Variants in EPHB2 observed in about 807,000 individuals in gnomAD.
EPHB2 encodes ephrin type-B receptor 2.
In EPHB2, 18 loss-of-function variants were observed where a neutral mutation model predicts 96.4. The ratio of observed to expected loss-of-function variants is 0.19; its 90% CI spans 0.13 to 0.28. The LOEUF (loss-of-function observed/expected upper bound fraction) is 0.28, where lower values mean the gene tolerates loss of function less well. Ranked by LOEUF, EPHB2 falls within the 10% of genes least tolerant of loss-of-function variation. EPHB2 has a pLI of 1.00. For missense variants in EPHB2, 989 were observed against 1,355.4 expected, an observed-to-expected ratio of 0.73 and a Z score of 4.25; for synonymous variants, 506 against 534.1, an observed-to-expected ratio of 0.95 and a Z score of 0.72.
At chr1:22,766,811 TCTGA>T (rs1473467662) in intron 1 of EPHB2, among the ~76,000 whole-genome samples, 2 of 152,208 alleles carry the variant, frequency 1.3e-5, no homozygotes, top group Non-Finnish European at 2.9e-5. Context: ...CATCAGTAGG[TCTGA>T]CTGGGCTGCC....
At chr1:22,905,336 G>A (rs552418600) in intron 9 of EPHB2, among the ~76,000 whole-genome samples, 49 of 152,286 alleles carry the variant, frequency 3.2e-4, no homozygotes, top group African/African-American at 1.2e-3. Flanking sequence ...TCCAGAAGGG[G>A]TTAAGACTTG....
intron 3 of EPHB2, among the ~76,000 whole-genome samples, chr1:22,854,689 C>G (rs79621237): frequency 1.2e-3 from 184 of 152,290 alleles, no homozygotes; most frequent in African/African-American, 3.9e-3. Context: ...ACCAGGGAGG[C>G]TCCTGGCCCA....
At chr1:22,893,496 C>G (rs1570448251) in intron 7 of EPHB2, among the ~76,000 whole-genome samples, 1 of 152,216 alleles carries the variant, frequency 6.6e-6, no homozygotes, top group Non-Finnish European at 1.5e-5. Context: ...ACTGTCTGCT[C>G]CAGGCAAGGG....
In EPHB2 at chr1:22,915,958, A is replaced by G. The variant is rs551904710; in HGVS notation, c.*2388A>G. The G allele has an allele frequency of 4.6e-5, 7 of 152,512 alleles. No homozygotes were observed. The highest frequency in any genetic ancestry group is 1.7e-4 in the African/African-American group (7 of 41,580). 9.4% of individuals were successfully genotyped at this position (152,512 alleles called of 1,614,324 possible). On this transcript the variant is annotated 3_prime_UTR_variant, in exon 16 of 16. Coordinates refer to ENST00000374630, the MANE Select transcript of EPHB2 (RefSeq NM_017449.5). The stretch of plus-strand genomic sequence containing the variant: ...GTGAACATCCAGCACAGCACAGCCC[A>G]TCGTCTGTCACTCACCTGTTCCGGG...
In EPHB2 at chr1:22,907,955, A is replaced by G. The variant is rs748623989; in HGVS notation, c.2139A>G (p.Gln713=). The G allele has an allele frequency of 2.5e-6, 4 of 1,614,102 alleles. No homozygotes were observed. The African/African-American group carries it at 5.3e-5, about 22-fold the overall frequency. The part of the protein sequence containing the change: ...ENGSLDSFLR[Q]NDGQFTVIQL... ...TGTTTTCCCCACTTCTCCCAAAGCA[A>G]AACGATGGGCAGTTCACAGTCATCC... Residue 713 remains glutamine, a splice_region_variant and synonymous_variant, in exon 12 of 16, where the codon CAA becomes CAG. Transcript: ENST00000374630.
intron 6 of EPHB2, among the ~76,000 whole-genome samples, chr1:22,891,560 G>T (rs1236238500): frequency 6.6e-6 from 1 of 152,202 alleles, no homozygotes; most frequent in Non-Finnish European, 1.5e-5. Flanking sequence ...CCGGGCGGCT[G>T]ACAGATGCCT....
chr1:22,893,506 G>A (rs1557740363), intron 7 of EPHB2, among the ~76,000 whole-genome samples: 1 of 152,198 alleles, frequency 6.6e-6, no homozygotes, highest in Non-Finnish European at 1.5e-5. Context: ...CCAGGCAAGG[G>A]AATGGGAGAT....
chr1:22,779,606 C>A (rs939058661), intron 1 of EPHB2, among the ~76,000 whole-genome samples: 6 of 152,194 alleles, frequency 3.9e-5, no homozygotes, highest in Non-Finnish European at 8.8e-5. Flanking sequence ...TGTCATTTAG[C>A]CCAGACCATC....
chr1:22,855,688 A>G (rs1170278704), intron 3 of EPHB2, among the ~76,000 whole-genome samples: 1 of 152,242 alleles, frequency 6.6e-6, no homozygotes, highest in Non-Finnish European at 1.5e-5. Context: ...ATAATAGCCA[A>G]CACTTACATA....
At chr1:22,760,177 A>G (rs974526501) in intron 1 of EPHB2, among the ~76,000 whole-genome samples, 1 of 152,006 alleles carries the variant, frequency 6.6e-6, no homozygotes, top group Non-Finnish European at 1.5e-5. Flanking sequence ...GCCCCCCAAG[A>G]CCCCACAGTT....
chr1:22,840,476 T>G (rs1262894982), intron 3 of EPHB2, among the ~76,000 whole-genome samples: 7 of 152,178 alleles, frequency 4.6e-5, no homozygotes, highest in Admixed American at 4.6e-4. Flanking sequence ...TTATTTTATT[T>G]ATTTGGTGGA....
rs2124178280 is a variant in EPHB2, at chr1:22,919,171, C to G, written c.*5601C>G. The G allele has an allele frequency of 6.6e-6, 1 of 152,338 alleles. No homozygotes were observed. Among genetic ancestry groups the G allele is most frequent in the East Asian group, 1.9e-4 (1 of 5,186 alleles). 9.4% of individuals were successfully genotyped at this position (152,338 alleles called of 1,614,324 possible). On this transcript the variant is annotated 3_prime_UTR_variant, in exon 16 of 16. Coordinates refer to ENST00000374630, the MANE Select transcript of EPHB2 (RefSeq NM_017449.5). ...CATGGAAATCCTCACTTGACTCTTC[C>G]CCCATAACAAACTGCCCTGATGTCT...
At chr1:22,835,490 A>T (rs541266318) in intron 3 of EPHB2, among the ~76,000 whole-genome samples, 1 of 152,350 alleles carries the variant, frequency 6.6e-6, no homozygotes, top group South Asian at 2.1e-4. Context: ...TTGCATATGG[A>T]TATATAAAGA....
chr1:22,794,808 T>A (rs1215105224), intron 3 of EPHB2, among the ~76,000 whole-genome samples: 1 of 152,078 alleles, frequency 6.6e-6, no homozygotes, highest in East Asian at 1.9e-4. Flanking sequence ...TGAAAACACA[T>A]AGGCTGCCTC....
At chr1:22,766,835 T>C (rs957840561) in intron 1 of EPHB2, among the ~76,000 whole-genome samples, 3 of 152,242 alleles carry the variant, frequency 2.0e-5, no homozygotes, top group Non-Finnish European at 4.4e-5. Flanking sequence ...CCCAGGCTGC[T>C]GCTATCACCA....
intron 1 of EPHB2, among the ~76,000 whole-genome samples, chr1:22,732,637 A>G (rs983720640): frequency 2.0e-5 from 3 of 152,036 alleles, no homozygotes; most frequent in African/African-American, 7.2e-5. Flanking sequence ...CTAGCAGGTA[A>G]ATATTTAGGG....
intron 3 of EPHB2, among the ~76,000 whole-genome samples, chr1:22,847,794 C>G (rs947109547): frequency 1.3e-5 from 2 of 152,200 alleles, no homozygotes; most frequent in Non-Finnish European, 2.9e-5. Flanking sequence ...AACCCTTCCC[C>G]CCATACACCC....
chr1:22,854,844 G>C (rs1645676347), intron 3 of EPHB2, among the ~76,000 whole-genome samples: 1 of 152,142 alleles, frequency 6.6e-6, no homozygotes, highest in Non-Finnish European at 1.5e-5. Flanking sequence ...CAGAGGGACT[G>C]ACTCTGCTGG....
intron 3 of EPHB2, among the ~76,000 whole-genome samples, chr1:22,830,274 G>A (rs965127727): frequency 6.6e-6 from 1 of 152,186 alleles, no homozygotes; most frequent in Non-Finnish European, 1.5e-5. Context: ...GAGGAGAGGG[G>A]CGGTTCGCAG....
Sources: allele counts gnomAD v4.1 joint callset (sites outside exome capture counted in the v4.1 genomes callset), GRCh38; gene constraint gnomAD v4.1.1; transcripts MANE v1.5; gene names NCBI Gene and HGNC (gene_info 2026-07-23, HGNC 2026-07-21).